STAT3: variants seen among roughly 807,000 people sequenced by gnomAD.
The protein encoded by STAT3 is DNA-binding protein APRF.
Under a neutral mutation model 114.3 loss-of-function variants are expected in STAT3, and 7 were observed. The ratio of observed to expected loss-of-function variants is 0.06; its 90% CI spans 0.03 to 0.11. The LOEUF (loss-of-function observed/expected upper bound fraction) is 0.11, where lower values mean the gene tolerates loss of function less well. STAT3 is among the 10% of genes least tolerant of loss of function. The pLI, the probability that STAT3 is intolerant of heterozygous loss-of-function variation, is 1.00. For synonymous variants in STAT3, 331 were observed against 354.5 expected (o/e 0.93, Z 0.74); for missense variants, 364 against 960.9 (o/e 0.38, Z 8.21).
intron 10 of STAT3, among the ~76,000 whole-genome samples, chr17:42,332,292 C>T (rs201157425): frequency 6.7e-6 from 1 of 150,258 alleles, no homozygotes; most frequent in African/African-American, 2.4e-5. Context: ...GTAATCCCAG[C>T]ACTTTGGGAG....
At chr17:42,381,740 A>G (rs1173593370) in intron 1 of STAT3, among the ~76,000 whole-genome samples, 1 of 151,966 alleles carries the variant, frequency 6.6e-6, no homozygotes, top group Non-Finnish European at 1.5e-5. Context: ...TCAAAAAAAA[A>G]AAAAAAAAGG....
intron 1 of STAT3, among the ~76,000 whole-genome samples, chr17:42,351,165 G>A (rs954457502): frequency 2.0e-5 from 3 of 151,056 alleles, no homozygotes; most frequent in Admixed American, 1.3e-4. Context: ...AAAGAAACAG[G>A]TGAAATTAAT....
At chr17:42,334,373 C>CG (rs879290591) in intron 8 of STAT3, among the ~76,000 whole-genome samples, 42 of 151,528 alleles carry the variant, frequency 2.8e-4, no homozygotes, top group Non-Finnish European at 4.9e-4. Context: ...CTCCATTTCC[C>CG]GGGTTCAAGT....
intron 4 of STAT3, among the ~76,000 whole-genome samples, chr17:42,343,739 C>T (rs979858470): frequency 2.6e-5 from 4 of 152,238 alleles, no homozygotes; most frequent in Admixed American, 1.3e-4. Context: ...AGGCGTGAGA[C>T]ATCGTGCCTG....
intron 1 of STAT3, among the ~76,000 whole-genome samples, chr17:42,365,652 G>T (rs200677197): frequency 4.1e-3 from 478 of 116,718 alleles, no homozygotes; most frequent in Middle Eastern, 9.1e-3. Flanking sequence ...TTTTTTTTTT[G>T]TTTTTTTTTG....
At chr17:42,379,404 C>T (rs1046560939) in intron 1 of STAT3, among the ~76,000 whole-genome samples, 1 of 152,192 alleles carries the variant, frequency 6.6e-6, no homozygotes, top group African/African-American at 2.4e-5. Flanking sequence ...AGGAAAGTTA[C>T]AGGACAGGAA....
chr17:42,315,868 G>C, intron 23 of STAT3, 68 bp from the exon 24 acceptor site: 1 of 1,612,468 alleles, frequency 6.2e-7, no homozygotes. Context: ...CACGCCCCCA[G>C]CCCTTCAGAG....
chr17:42,316,098 G>T, intron 23 of STAT3: 1 of 1,345,348 alleles, frequency 7.4e-7, no homozygotes, highest in South Asian at 1.7e-5. Context: ...CAGGAGCCCC[G>T]AGACACACGT....
At chr17:42,318,228 T>C (rs1598383396) in intron 21 of STAT3, among the ~76,000 whole-genome samples, 1 of 152,164 alleles carries the variant, frequency 6.6e-6, no homozygotes, top group East Asian at 1.9e-4. Context: ...GTTCAAGTGA[T>C]TCTCCTTCAT....
At chr17:42,335,398 C>A (rs1474745466) in intron 8 of STAT3, among the ~76,000 whole-genome samples, 1 of 152,072 alleles carries the variant, frequency 6.6e-6, no homozygotes, top group African/African-American at 2.4e-5. Context: ...CACTTTGTTG[C>A]CCAGGCTGGT....
intron 1 of STAT3, among the ~76,000 whole-genome samples, chr17:42,381,656 C>T (rs1349207605): frequency 6.7e-6 from 1 of 149,864 alleles, no homozygotes; most frequent in African/African-American, 2.5e-5. Context: ...GGCGTGAACC[C>T]GGGAGGCGGA....
intron 1 of STAT3, among the ~76,000 whole-genome samples, chr17:42,384,619 A>T (rs1598546211): frequency 6.6e-6 from 1 of 150,830 alleles, no homozygotes; most frequent in African/African-American, 2.4e-5. Context: ...CGGTGGCGGG[A>T]TCACGGCTCA....
chr17:42,350,667 T>C (rs1478217140), intron 1 of STAT3, among the ~76,000 whole-genome samples: 1 of 152,184 alleles, frequency 6.6e-6, no homozygotes, highest in Non-Finnish European at 1.5e-5. Flanking sequence ...AATACCCCTC[T>C]TGCTACTGTG....
At position 42,387,410 on chromosome 17, in the gene STAT3, G is replaced by GA. The variant is rs766516067; in HGVS notation, c.-24+868dup. On this transcript the variant is annotated intron_variant, in intron 1 of 23. Coordinates refer to ENST00000264657, the MANE Select transcript of STAT3 (RefSeq NM_139276.3). ...TACCCAAGATCTTGGCTCTGAGACAGAAAACTCCCACTCTCAATTGGTTCA... is the reference window on the plus strand; with the variant it reads ...TACCCAAGATCTTGGCTCTGAGACAGAAAAACTCCCACTCTCAATTGGTTCA... The GA allele has an allele frequency of 2.6e-5, 4 of 152,110 alleles. No homozygotes were observed. In the East Asian group the frequency reaches 5.8e-4, roughly 22 times the overall value. 9.4% of individuals were successfully genotyped at this position (152,110 alleles called of 1,614,324 possible). A position where few individuals can be genotyped will look rare whatever the true frequency, so the allele number is the denominator to read the frequency against.
At chr17:42,332,338 G>T (rs966157034) in intron 10 of STAT3, among the ~76,000 whole-genome samples, 2 of 149,960 alleles carry the variant, frequency 1.3e-5, no homozygotes, top group African/African-American at 4.9e-5. Flanking sequence ...AGGAGTTCGA[G>T]ACCAGCCTGG....
At chr17:42,372,006 TTTA>T (rs1335627647) in intron 1 of STAT3, among the ~76,000 whole-genome samples, 5 of 151,946 alleles carry the variant, frequency 3.3e-5, no homozygotes, top group African/African-American at 7.3e-5. Context: ...AAAAACCAAT[TTTA>T]ATAGGTATAC....
chr17:42,367,446 C>T (rs928827135), intron 1 of STAT3, among the ~76,000 whole-genome samples: 2 of 152,138 alleles, frequency 1.3e-5, no homozygotes, highest in Admixed American at 1.3e-4. Flanking sequence ...CATTTTGCCC[C>T]AGATGTCTCT....
chr17:42,342,122 G>A (rs2082466579), intron 4 of STAT3, among the ~76,000 whole-genome samples: 1 of 152,062 alleles, frequency 6.6e-6, no homozygotes, highest in South Asian at 2.1e-4. Flanking sequence ...TTGGGCTACA[G>A]GGCACTGCAC....
intron 14 of STAT3, among the ~76,000 whole-genome samples, chr17:42,328,719 G>T (rs2081854529): frequency 6.6e-6 from 1 of 152,202 alleles, no homozygotes; most frequent in Non-Finnish European, 1.5e-5. Flanking sequence ...ACATTTTAAA[G>T]AGGAAGAATT....
Sources: allele counts gnomAD v4.1 joint callset (sites outside exome capture counted in the v4.1 genomes callset), GRCh38; gene constraint gnomAD v4.1.1; transcripts MANE v1.5; gene names NCBI Gene and HGNC (gene_info 2026-07-23, HGNC 2026-07-21).